Variants in PCDHA8 observed in about 807,000 individuals in gnomAD.
PCDHA8 encodes protocadherin alpha 8, also known as protocadherin alpha-8.
A neutral mutation model predicts 61.8 loss-of-function variants in PCDHA8; 53 were observed. The ratio of observed to expected loss-of-function variants is 0.86; its 90% CI spans 0.69 to 1.08. The LOEUF is 1.08. Ranked by LOEUF, PCDHA8 falls within the 50% of genes least tolerant of loss-of-function variation. The probability of loss-of-function intolerance (pLI) is 0.00; values close to 1 mark genes in which losing one functional copy is unlikely to be tolerated. For synonymous variants in PCDHA8, 618 were observed against 556.6 expected (o/e 1.11, Z -1.55); for missense variants, 1,293 against 1,245.0 (o/e 1.04, Z -0.58).
chr5:140,874,485 T>C (rs1235889322), intron 1 of PCDHA8, among the ~76,000 whole-genome samples: 1 of 152,218 alleles, frequency 6.6e-6, no homozygotes, highest in Non-Finnish European at 1.5e-5. Flanking sequence ...AAGCAAAAGG[T>C]TGATATCAAG....
chr5:140,856,238 C>T lies in PCDHA8; in HGVS notation c.2394+12523C>T, dbSNP rs1250461159. On this transcript the variant is annotated intron_variant, in intron 1 of 3. Transcript: ENST00000531613. ...GGCGGAGCTGGTGCAGCGCCTGTTC[C>T]GGGTGGCGTCCAAAAGACACGGGGA... The T allele has an allele frequency of 5.6e-6, 9 of 1,597,934 alleles. 1 individual carries two copies. Among genetic ancestry groups the T allele is most frequent in the Non-Finnish European group, 7.7e-6 (9 of 1,167,850 alleles).
At chr5:140,850,185 G>T (rs1554143929) in intron 1 of PCDHA8, 3 of 1,593,776 alleles carry the variant, frequency 1.9e-6, no homozygotes, top group Non-Finnish European at 2.6e-6. Flanking sequence ...CAATGCGCCG[G>T]CGCTGCTGAC....
chr5:140,997,077 G>T (rs1201538953), intron 3 of PCDHA8, among the ~76,000 whole-genome samples: 3 of 152,062 alleles, frequency 2.0e-5, no homozygotes, highest in Admixed American at 2.0e-4. Flanking sequence ...CAGGAAAGTT[G>T]AGTAGAAAGT....
At chr5:140,994,636 T>C (rs1243732393) in intron 3 of PCDHA8, among the ~76,000 whole-genome samples, 1 of 151,996 alleles carries the variant, frequency 6.6e-6, no homozygotes, top group Admixed American at 6.6e-5. Flanking sequence ...ACCTGGAAGG[T>C]GGAGGTTGCA....
intron 1 of PCDHA8, chr5:140,871,459 G>A (rs781872546): frequency 6.2e-6 from 10 of 1,605,178 alleles, no homozygotes; most frequent in Admixed American, 1.7e-5. Flanking sequence ...GGAGGAAGGG[G>A]AAAGACAGGA....
At chr5:140,851,866 C>G in intron 1 of PCDHA8, 1 of 976,572 alleles carries the variant, frequency 1.0e-6, no homozygotes, top group Non-Finnish European at 1.2e-6. Flanking sequence ...TCATACATAA[C>G]ACAAGGCAGA....
chr5:140,856,116 G>A, intron 1 of PCDHA8: 2 of 1,598,152 alleles, frequency 1.3e-6, no homozygotes, highest in African/African-American at 2.7e-5. Context: ...CTCGCAGCCT[G>A]GGAGGTGGGG....
chr5:140,857,144 A>G, intron 1 of PCDHA8: 1 of 1,598,350 alleles, frequency 6.3e-7, no homozygotes, highest in Non-Finnish European at 8.6e-7. Context: ...TCAAGTGGGC[A>G]CCGTCATTGC....
At chr5:140,958,503 C>T (rs1426161443) in intron 1 of PCDHA8, among the ~76,000 whole-genome samples, 1 of 152,118 alleles carries the variant, frequency 6.6e-6, no homozygotes, top group Non-Finnish European at 1.5e-5. Context: ...TCCTAGGAGG[C>T]ATGGCTGTCC....
chr5:140,877,416 G>A (rs368900600), intron 1 of PCDHA8: 32 of 1,613,802 alleles, frequency 2.0e-5, no homozygotes, highest in Non-Finnish European at 2.7e-5. Flanking sequence ...ACCGCCTGCT[G>A]GTGCTGGTGA....
intron 1 of PCDHA8, chr5:140,926,601 T>G: frequency 3.1e-6 from 1 of 317,718 alleles, no homozygotes; most frequent in Non-Finnish European, 5.7e-6. Context: ...GCGGGCGGCC[T>G]CGTCTCTGCA....
intron 1 of PCDHA8, chr5:140,862,986 T>C (rs897931834): frequency 3.7e-6 from 2 of 546,930 alleles, no homozygotes; most frequent in Non-Finnish European, 3.6e-6. Flanking sequence ...GTGGCGAAGG[T>C]GCGCACGGTG....
chr5:140,843,131 A>C lies in PCDHA8; in HGVS notation c.1810A>C (p.Asn604His). 6.3e-7 allele frequency: 1 copy of C among 1,596,044 alleles called. No homozygotes were observed. Among genetic ancestry groups the C allele is most frequent in the South Asian group, 1.1e-5 (1 of 90,510 alleles). ...CGCAGTGGACGCCGACTCGGGCTAC[A>C]ACGCGTGGCTTTCGTATGAGCTGCA... ...VRAVDADSGYNAWLSYELQPA... is the reference protein window; with the variant it reads ...VRAVDADSGYHAWLSYELQPA... The change falls in exon 1 of 4, where the codon AAC becomes CAC. Residue 604 changes from asparagine to histidine, a missense_variant. Transcript: ENST00000531613.
intron 1 of PCDHA8, among the ~76,000 whole-genome samples, chr5:140,898,820 G>A (rs1303151513): frequency 6.6e-6 from 1 of 152,208 alleles, no homozygotes; most frequent in Admixed American, 6.5e-5. Context: ...TCCTACCCAT[G>A]AGCATGGAAT....
intron 1 of PCDHA8, among the ~76,000 whole-genome samples, chr5:140,889,326 G>A (rs2062188363): frequency 6.6e-6 from 1 of 151,922 alleles, no homozygotes; most frequent in African/African-American, 2.4e-5. Flanking sequence ...TCTGTATCAG[G>A]ATTTTGATTG....
chr5:140,949,779 T>A (rs1414817850), intron 1 of PCDHA8, among the ~76,000 whole-genome samples: 1 of 151,898 alleles, frequency 6.6e-6, no homozygotes, highest in East Asian at 1.9e-4. Context: ...ATTTGATATG[T>A]TTAGATTTGT....
chr5:140,857,656 G>C (rs1269090821), intron 1 of PCDHA8: 1 of 1,596,806 alleles, frequency 6.3e-7, no homozygotes, highest in Non-Finnish European at 8.6e-7. Flanking sequence ...AGGTGAGCGC[G>C]CGCGATGGGG....
chr5:140,842,310 T>C lies in PCDHA8; in HGVS notation c.989T>C (p.Met330Thr), dbSNP rs2150333905. 2 of 1,608,760 alleles carry C rather than the reference T, an allele frequency of 1.2e-6. No homozygotes were observed. Among genetic ancestry groups the C allele is most frequent in the Admixed American group, 1.7e-5 (1 of 59,974 alleles). ...IDATDKGHPP[M>T]AGHCTVLVRI... ...GCCACGGACAAAGGCCATCCTCCCATGGCGGGTCATTGCACCGTTTTAGTG... is the reference window on the plus strand; with the variant it reads ...GCCACGGACAAAGGCCATCCTCCCACGGCGGGTCATTGCACCGTTTTAGTG... The change falls in exon 1 of 4, where the codon ATG becomes ACG. Residue 330 changes from methionine to threonine, a missense_variant. Transcript: ENST00000531613.
chr5:140,841,773 G>T lies in PCDHA8; in HGVS notation c.452G>T (p.Arg151Leu), dbSNP rs1292935559. ...TCAGAATCCAGAATGCCAGACTCTCGGTTTCCGCTAGAGGGCGCGTCCGAT... is the reference window on the plus strand; with the variant it reads ...TCAGAATCCAGAATGCCAGACTCTCTGTTTCCGCTAGAGGGCGCGTCCGAT... ...FVSESRMPDSRFPLEGASDAD... is the reference protein window; with the variant it reads ...FVSESRMPDSLFPLEGASDAD... Residue 151 changes from arginine (R) to leucine (L), a missense_variant, in exon 1 of 4, where the codon CGG becomes CTG. By Grantham distance (102) the Arg-to-Leu change is moderately radical (BLOSUM62 -2). Transcript: ENST00000531613. 6.2e-7 allele frequency: 1 copy of T among 1,613,894 alleles called. No homozygotes were observed. The highest frequency in any genetic ancestry group is 1.7e-5 in the Admixed American group (1 of 59,996).
Sources: allele counts gnomAD v4.1 joint callset (sites outside exome capture counted in the v4.1 genomes callset), GRCh38; gene constraint gnomAD v4.1.1; transcripts MANE v1.5; gene names NCBI Gene and HGNC (gene_info 2026-07-23, HGNC 2026-07-21).